The following RAD52 variants were observed in gnomAD, a reference collection of about 807,000 sequenced individuals.
RAD52 encodes the protein RAD52 DNA repair protein.
Under a neutral mutation model 55.5 loss-of-function variants are expected in RAD52, and 47 were observed. That is an observed-to-expected ratio of 0.85 (90% CI 0.67 to 1.08). RAD52 has a LOEUF of 1.08. RAD52 is among the 50% of genes least tolerant of loss of function. The pLI, the probability that RAD52 is intolerant of heterozygous loss-of-function variation, is 0.00. For missense variants in RAD52, 468 were observed against 522.8 expected (o/e 0.90, Z 1.02); for synonymous variants, 184 against 198.9 (o/e 0.92, Z 0.63).
At chr12:960,751 G>A (rs1336492703) in intron 1 of RAD52, among the ~76,000 whole-genome samples, 1 of 152,112 alleles carries the variant, frequency 6.6e-6, no homozygotes, top group Admixed American at 6.6e-5. Context: ...ATAGATGTGA[G>A]CCACCTTACC....
Position 916,759 on chromosome 12 carries a change from T to A in RAD52, c.605A>T (p.Glu202Val), listed in dbSNP as rs1956411748. 1 of 1,614,154 alleles carries A rather than the reference T, an allele frequency of 6.2e-7. No individual in the cohort carries two copies. Among genetic ancestry groups the A allele is most frequent in the East Asian group, 2.2e-5 (1 of 44,874 alleles). The change falls in exon 8 of 12, where the codon GAG (glutamate) becomes GTG (valine). Residue 202 changes from glutamate (E) to valine (V), a missense_variant. By Grantham distance (121) the Glu-to-Val change is moderately radical. Coordinates refer to ENST00000358495, the MANE Select transcript of RAD52 (RefSeq NM_134424.4). ...CGGTCGGCAGCTGTTGTATCTTGCCTCCTCCACAGACGGTTCAAGATCTTG... is the reference window on the plus strand; with the variant it reads ...CGGTCGGCAGCTGTTGTATCTTGCCACCTCCACAGACGGTTCAAGATCTTG... ...KRQDLEPSVE[E>V]ARYNSCRPNM... is the part of the protein sequence containing the mutation.
At chr12:922,450 A>G (rs1042237047) in intron 7 of RAD52, among the ~76,000 whole-genome samples, 4 of 152,166 alleles carry the variant, frequency 2.6e-5, no homozygotes, top group Non-Finnish European at 5.9e-5. Context: ...CATTATTCAC[A>G]ATAGCCAAGA....
chr12:967,251 TG>T (rs1958782562), intron 1 of RAD52, among the ~76,000 whole-genome samples: 1 of 151,684 alleles, frequency 6.6e-6, no homozygotes, highest in African/African-American at 2.4e-5. Flanking sequence ...TGGTGGCGCC[TG>T]CCTGTAGTCA....
At chr12:973,115 G>A (rs1038925862) in intron 1 of RAD52, among the ~76,000 whole-genome samples, 8 of 152,292 alleles carry the variant, frequency 5.3e-5, no homozygotes, top group African/African-American at 1.9e-4. Flanking sequence ...TGTCGCCCAG[G>A]CTGGAGTGCA....
intron 1 of RAD52, among the ~76,000 whole-genome samples, chr12:985,182 C>G (rs550996081): frequency 6.6e-6 from 1 of 152,142 alleles, no homozygotes; most frequent in Non-Finnish European, 1.5e-5. Context: ...GGTCTGTCAC[C>G]TAGGCTAAAG....
At chr12:915,210 T>C (rs1956292854) in intron 9 of RAD52, among the ~76,000 whole-genome samples, 1 of 152,214 alleles carries the variant, frequency 6.6e-6, no homozygotes, top group Admixed American at 6.5e-5. Flanking sequence ...GCTCGGGTTG[T>C]CTGCCAAGGG....
At chr12:977,755 G>A (rs1958953142) in intron 1 of RAD52, among the ~76,000 whole-genome samples, 1 of 152,248 alleles carries the variant, frequency 6.6e-6, no homozygotes, top group Admixed American at 6.5e-5. Flanking sequence ...GGAGCTCAGG[G>A]AACTAGTGTA....
At chr12:931,411 A>AAAT in intron 2 of RAD52, 90 bp from the exon 3 acceptor site, 1 of 951,464 alleles carries the variant, frequency 1.1e-6, no homozygotes, top group Non-Finnish European at 1.5e-6. Flanking sequence ...TTATACTCTT[A>AAAT]AAAAGACCCC....
At chr12:985,442 G>T (rs1592503190) in intron 1 of RAD52, among the ~76,000 whole-genome samples, 1 of 152,208 alleles carries the variant, frequency 6.6e-6, no homozygotes, top group Non-Finnish European at 1.5e-5. Context: ...ACTGCACCTG[G>T]TCTCAATTTT....
intron 1 of RAD52, among the ~76,000 whole-genome samples, chr12:986,077 G>C (rs1460954779): frequency 1.3e-5 from 2 of 152,042 alleles, no homozygotes; most frequent in East Asian, 3.9e-4. Flanking sequence ...TGGAATTACA[G>C]GCATGTGCCA....
chr12:940,198 G>C (rs1308083808), intron 1 of RAD52, among the ~76,000 whole-genome samples: 21 of 152,160 alleles, frequency 1.4e-4, no homozygotes, highest in Non-Finnish European at 5.9e-5. Context: ...AAATCGGGAG[G>C]GAGGAAGGGA....
intron 9 of RAD52, among the ~76,000 whole-genome samples, chr12:915,524 CT>C (rs1339020731): frequency 6.6e-6 from 1 of 152,156 alleles, no homozygotes; most frequent in Non-Finnish European, 1.5e-5. Context: ...CTACCTACCG[CT>C]GGATGGGCAG....
At chr12:972,381 AG>A in intron 1 of RAD52, among the ~76,000 whole-genome samples, 1 of 152,184 alleles carries the variant, frequency 6.6e-6, no homozygotes, top group Non-Finnish European at 1.5e-5. Context: ...TAGGGGCACC[AG>A]GGAAGGCTCA....
At chr12:939,745 G>C (rs1957822639) in intron 1 of RAD52, among the ~76,000 whole-genome samples, 1 of 152,214 alleles carries the variant, frequency 6.6e-6, no homozygotes, top group South Asian at 2.1e-4. Context: ...ACAGCAAAGA[G>C]GGATCCAGAT....
chr12:968,888 A>G (rs1251254475), intron 1 of RAD52, among the ~76,000 whole-genome samples: 1 of 151,948 alleles, frequency 6.6e-6, no homozygotes, highest in African/African-American at 2.4e-5. Context: ...TTTGTTGAAT[A>G]AATAAAGAAT....
intron 3 of RAD52, 78 bp downstream of exon 3, chr12:931,142 G>C: frequency 1.7e-6 from 2 of 1,175,924 alleles, no homozygotes; most frequent in Non-Finnish European, 2.5e-6. Flanking sequence ...AATCCCTGAG[G>C]ACCCAGAGAG....
intron 1 of RAD52, among the ~76,000 whole-genome samples, chr12:970,073 C>T (rs553952232): frequency 1.8e-3 from 52 of 28,552 alleles, no homozygotes; most frequent in Non-Finnish European, 3.5e-3. Flanking sequence ...CTTTGGGAGG[C>T]GGAGGTGGTG....
chr12:925,175 C>T (rs1178508370), intron 7 of RAD52, among the ~76,000 whole-genome samples: 1 of 152,138 alleles, frequency 6.6e-6, no homozygotes, highest in Admixed American at 6.6e-5. Flanking sequence ...TGGTCTCGAT[C>T]TCCTGACCTT....
upstream of RAD52, chr12:990,598 G>T (rs544264147): frequency 4.1e-4 from 63 of 152,358 alleles, no homozygotes; most frequent in African/African-American, 1.4e-3. Context: ...GGTCCTCGGC[G>T]ATGCCCGTGT....
Sources: allele counts gnomAD v4.1 joint callset (sites outside exome capture counted in the v4.1 genomes callset), GRCh38; gene constraint gnomAD v4.1.1; transcripts MANE v1.5; gene names NCBI Gene and HGNC (gene_info 2026-07-23, HGNC 2026-07-21).